The following CEP63 variants were observed in gnomAD, a reference collection of about 807,000 sequenced individuals.
CEP63 encodes centrosomal protein 63.
Under a neutral mutation model 89.1 loss-of-function variants are expected in CEP63, and 84 were observed. That is an observed-to-expected ratio of 0.94 (90% CI 0.79 to 1.13). The LOEUF is 1.13. Among genes scored for constraint, CEP63 ranks in the 50% most tolerant of loss-of-function variants. CEP63 has a pLI of 0.00. For synonymous variants in CEP63, 267 were observed against 272.5 expected, an observed-to-expected ratio of 0.98 and a Z score of 0.20; for missense variants, 838 against 813.3, an observed-to-expected ratio of 1.03 and a Z score of -0.37.
the CEP63 span, among the ~76,000 whole-genome samples, chr3:134,642,336 G>A: frequency 1.3e-5 from 2 of 152,188 alleles, no homozygotes; most frequent in Admixed American, 6.5e-5. Context: ...TTTCCTTATA[G>A]GTTAGGACAT....
chr3:134,595,458 A>G, the CEP63 span, among the ~76,000 whole-genome samples: 2 of 152,168 alleles, frequency 1.3e-5, no homozygotes, highest in African/African-American at 4.8e-5. Flanking sequence ...CTCCTTCATT[A>G]TTTTGGTCTG....
chr3:134,750,752 G>T, the CEP63 span, among the ~76,000 whole-genome samples: 1 of 152,196 alleles, frequency 6.6e-6, no homozygotes, highest in Non-Finnish European at 1.5e-5. Flanking sequence ...TTCTTGCCTA[G>T]AAGTGCTGGG....
At chr3:134,653,665 AG>A in the CEP63 span, among the ~76,000 whole-genome samples, 1 of 152,352 alleles carries the variant, frequency 6.6e-6, no homozygotes, top group African/African-American at 2.4e-5. Flanking sequence ...GGAAAGGGGA[AG>A]GAGAGACAAG....
At chr3:134,531,962 ATGT>A in intron 4 of CEP63, 22 bp downstream of exon 4, 3 of 1,530,182 alleles carry the variant, frequency 2.0e-6, no homozygotes, top group South Asian at 1.1e-5. Context: ...GTTTTGTTAA[ATGT>A]TGTGTGTGTA....
intron 11 of CEP63, among the ~76,000 whole-genome samples, chr3:134,572,219 G>T (rs575614697): frequency 6.6e-5 from 10 of 152,312 alleles, no homozygotes; most frequent in Non-Finnish European, 1.5e-4. Flanking sequence ...CTTAATGTCA[G>T]TCTTGACTCT....
the CEP63 span, among the ~76,000 whole-genome samples, chr3:134,639,535 A>G: frequency 6.6e-6 from 1 of 152,202 alleles, no homozygotes; most frequent in African/African-American, 2.4e-5. Context: ...GTCTGGAAAC[A>G]TGGCAGTTTG....
the CEP63 span, among the ~76,000 whole-genome samples, chr3:134,628,522 G>A: frequency 2.0e-5 from 3 of 152,282 alleles, no homozygotes; most frequent in African/African-American, 7.2e-5. Context: ...TAACAAAGAA[G>A]ATTGCAACCA....
At chr3:134,768,766 C>G in the CEP63 span, among the ~76,000 whole-genome samples, 1 of 152,182 alleles carries the variant, frequency 6.6e-6, no homozygotes, top group Non-Finnish European at 1.5e-5. Flanking sequence ...ACACTGCTGT[C>G]GAGGGCCTTT....
At chr3:134,610,045 C>T in the CEP63 span, 2 of 812,482 alleles carry the variant, frequency 2.5e-6, no homozygotes, top group Non-Finnish European at 3.9e-6. Context: ...CTGGAGCCAG[C>T]CCACTTCAGA....
At chr3:134,773,338 A>C in the CEP63 span, among the ~76,000 whole-genome samples, 1 of 152,332 alleles carries the variant, frequency 6.6e-6, no homozygotes, top group Non-Finnish European at 1.5e-5. Context: ...CTTTAGGAGC[A>C]GGCAGAGCCG....
At chr3:134,639,949 C>CAA in the CEP63 span, 45 of 49,740 alleles carry the variant, frequency 9.0e-4, no homozygotes, top group Non-Finnish European at 1.1e-3. Flanking sequence ...CACCCTGTCT[C>CAA]AAAAAAAAAA....
chr3:134,570,696 G>T (rs559813950), intron 11 of CEP63, among the ~76,000 whole-genome samples: 5 of 152,084 alleles, frequency 3.3e-5, no homozygotes, highest in Admixed American at 3.3e-4. Flanking sequence ...TTCCAAAGTC[G>T]CTTCCACATT....
chr3:134,555,349 G>A (rs140983487), intron 12 of CEP63, among the ~76,000 whole-genome samples: 100,059 of 151,830 alleles, frequency 0.66, 33,370 homozygotes, highest in East Asian at 0.81. Flanking sequence ...CTTTGCAGAC[G>A]ACATGATTGT....
At chr3:134,694,242 C>T in the CEP63 span, among the ~76,000 whole-genome samples, 8 of 152,214 alleles carry the variant, frequency 5.3e-5, no homozygotes, top group African/African-American at 1.7e-4. Context: ...ATGCTCAATG[C>T]TGCAGCTGCA....
At chr3:134,747,085 G>A in the CEP63 span, among the ~76,000 whole-genome samples, 42 of 118,432 alleles carry the variant, frequency 3.5e-4, no homozygotes, top group Non-Finnish European at 5.6e-4. Context: ...AATCCATCTT[G>A]AATTAATTTT....
the CEP63 span, among the ~76,000 whole-genome samples, chr3:134,715,462 C>T: frequency 1.3e-5 from 2 of 151,636 alleles, no homozygotes; most frequent in African/African-American, 2.4e-5. Flanking sequence ...TGCCTGCGCA[C>T]TTGCACATGC....
chr3:134,555,756 A>G (rs1956019477), intron 12 of CEP63, among the ~76,000 whole-genome samples: 1 of 150,848 alleles, frequency 6.6e-6, no homozygotes, highest in Non-Finnish European at 1.5e-5. Context: ...CTTTCTTCAC[A>G]GAATTGGAAA....
the CEP63 span, chr3:134,610,430 G>C: frequency 1.3e-6 from 2 of 1,544,068 alleles, no homozygotes; most frequent in Admixed American, 3.6e-5. Context: ...GCTGTGGCTT[G>C]CCTCCAAGTC....
chr3:134,700,503 T>C, the CEP63 span, among the ~76,000 whole-genome samples: 1 of 152,208 alleles, frequency 6.6e-6, no homozygotes, highest in South Asian at 2.1e-4. Flanking sequence ...AGGTGAACGC[T>C]TTCAATAATT....
Sources: allele counts gnomAD v4.1 joint callset (sites outside exome capture counted in the v4.1 genomes callset), GRCh38; gene constraint gnomAD v4.1.1; transcripts MANE v1.5; gene names NCBI Gene and HGNC (gene_info 2026-07-23, HGNC 2026-07-21).